IPO11: variants seen among roughly 807,000 people sequenced by gnomAD.
The protein encoded by IPO11 is importin 11.
IPO11 carries 66 observed loss-of-function variants against 143.2 expected under a neutral mutation model. That is an observed-to-expected ratio of 0.46 (90% CI 0.38 to 0.57). The LOEUF (loss-of-function observed/expected upper bound fraction) is 0.57, where lower values mean the gene tolerates loss of function less well. Ranked by LOEUF, IPO11 falls within the 20% of genes least tolerant of loss-of-function variation. IPO11 has a pLI of 0.00. For missense variants in IPO11, 1,026 were observed against 1,141.0 expected (o/e 0.90, Z 1.45); for synonymous variants, 385 against 377.8 (o/e 1.02, Z -0.22).
chr5:62,535,492 A>ATC (rs1307751962), intron 22 of IPO11, among the ~76,000 whole-genome samples: 1 of 152,170 alleles, frequency 6.6e-6, no homozygotes, highest in Admixed American at 6.5e-5. Flanking sequence ...GGCCCCCTTT[A>ATC]TCCTGAGATT....
intron 15 of IPO11, among the ~76,000 whole-genome samples, chr5:62,491,598 A>G (rs1746608872): frequency 6.6e-6 from 1 of 152,194 alleles, no homozygotes; most frequent in African/African-American, 2.4e-5. Flanking sequence ...AAAGCCATGT[A>G]AAATATTTAT....
At chr5:62,560,446 C>A (rs1245961802) in intron 26 of IPO11, among the ~76,000 whole-genome samples, 3 of 152,202 alleles carry the variant, frequency 2.0e-5, no homozygotes, top group South Asian at 4.1e-4. Flanking sequence ...GAAGCCCACT[C>A]ACATTATCTA....
chr5:62,561,083 CA>C, intron 26 of IPO11, 52 bp from the exon 27 acceptor site: 1 of 1,499,270 alleles, frequency 6.7e-7, no homozygotes. Context: ...AGTATTTACC[CA>C]CAAGTAAAAC....
At position 62,467,186 on chromosome 5, in the gene IPO11, C is replaced by T. The variant is rs760145602; in HGVS notation, c.572C>T (p.Thr191Ile). ...TCTCTGTGGAATCACCACACAGACA[C>T]ATTCCTGCAAGAAGTTTCTTCTGGC... Reference protein sequence around the residue: ...ACSLWNHHTDTFLQEVSSGNE... With the variant: ...ACSLWNHHTDIFLQEVSSGNE... The change falls in exon 6 of 30, where the codon ACA (threonine) becomes ATA (isoleucine). Residue 191 changes from threonine to isoleucine, a missense_variant. This residue lies in a region of IPO11 where 429 missense variants were observed against 456.3 expected (regional missense o/e 0.94). Coordinates refer to ENST00000325324, the MANE Select transcript of IPO11 (RefSeq NM_016338.5). 1.4e-5 allele frequency: 22 copies of T among 1,613,798 alleles called. No individual in the cohort carries two copies. Among genetic ancestry groups the T allele is most frequent in the Non-Finnish European group, 5.9e-6 (7 of 1,179,904 alleles).
chr5:62,580,609 A>G, intron 27 of IPO11: 2 of 1,551,454 alleles, frequency 1.3e-6, no homozygotes, highest in Non-Finnish European at 1.7e-6. Flanking sequence ...TCCCCCATCC[A>G]TGCGTGGCAG....
At chr5:62,527,577 A>G (rs962418645) in intron 21 of IPO11, among the ~76,000 whole-genome samples, 1 of 152,194 alleles carries the variant, frequency 6.6e-6, no homozygotes, top group African/African-American at 2.4e-5. Flanking sequence ...AAAAAATCCA[A>G]TATTAAAGAG....
rs1285515120 is a variant in IPO11, at chr5:62,459,945, T to C, written c.517-7186T>C. ...GTGTTTTTAAAATTGAAAATACATTTTAAAAACATGGAAAAGTAAAGAAAA... is the reference window on the plus strand; with the variant it reads ...GTGTTTTTAAAATTGAAAATACATTCTAAAAACATGGAAAAGTAAAGAAAA... On this transcript the variant is annotated intron_variant, in intron 5 of 29. Coordinates refer to ENST00000325324, the MANE Select transcript of IPO11 (RefSeq NM_016338.5). Among the ~76,000 whole-genome samples, 3 of 152,346 alleles carry C rather than the reference T, an allele frequency of 2.0e-5. No homozygotes were observed. The East Asian group carries it at 5.8e-4, about 29-fold the overall frequency.
At position 62,611,507 on chromosome 5, in the gene IPO11, G is replaced by C. The variant is rs114055693; in HGVS notation, c.2763+9659G>C. ...TTTGGAACTAAATAAAGTGATGATA[G>C]TGATGGTTATTTTTTAGTTGAGATT... On this transcript the variant is annotated intron_variant, in intron 29 of 29. Coordinates refer to ENST00000325324, the MANE Select transcript of IPO11 (RefSeq NM_016338.5). Among the ~76,000 whole-genome samples the C allele has an allele frequency of 4.4e-3, 667 of 152,302 alleles. 7 individuals carry two copies. The highest frequency in any genetic ancestry group is 0.015 in the African/African-American group (644 of 41,580).
intron 21 of IPO11, among the ~76,000 whole-genome samples, chr5:62,530,253 G>C (rs1359313847): frequency 6.6e-6 from 1 of 152,148 alleles, no homozygotes; most frequent in African/African-American, 2.4e-5. Context: ...TCTATCAACA[G>C]GGGATTGGTT....
At chr5:62,513,995 G>A (rs1741900741) in intron 19 of IPO11, among the ~76,000 whole-genome samples, 1 of 151,506 alleles carries the variant, frequency 6.6e-6, no homozygotes, top group South Asian at 2.1e-4. Flanking sequence ...CAGACGATGG[G>A]CTGCCGGGCA....
At chr5:62,572,752 T>C (rs1744180903) in intron 27 of IPO11, among the ~76,000 whole-genome samples, 1 of 151,474 alleles carries the variant, frequency 6.6e-6, no homozygotes, top group South Asian at 2.1e-4. Context: ...CGGCTAGTTT[T>C]TTGTGTTTTT....
chr5:62,528,630 A>G (rs866763619), intron 21 of IPO11, among the ~76,000 whole-genome samples: 2 of 152,178 alleles, frequency 1.3e-5, no homozygotes, highest in Non-Finnish European at 2.9e-5. Context: ...AACTGGAGGC[A>G]GAAGGTGGTT....
At chr5:62,513,246 G>T (rs1313001313) in intron 19 of IPO11, among the ~76,000 whole-genome samples, 2 of 151,944 alleles carry the variant, frequency 1.3e-5, no homozygotes, top group African/African-American at 4.8e-5. Flanking sequence ...AGACGGGGCG[G>T]GTGGCCGGGC....
chr5:62,573,316 C>G (rs1039815965), intron 27 of IPO11, among the ~76,000 whole-genome samples: 2 of 152,156 alleles, frequency 1.3e-5, no homozygotes, highest in Non-Finnish European at 2.9e-5. Flanking sequence ...TGAGAACACT[C>G]TCTGAGTCAT....
intron 16 of IPO11, among the ~76,000 whole-genome samples, chr5:62,500,561 G>C (rs1237095658): frequency 6.6e-6 from 1 of 152,140 alleles, no homozygotes; most frequent in Non-Finnish European, 1.5e-5. Context: ...ACAGTGGCGT[G>C]ATCATAGCTT....
chr5:62,572,826 G>T (rs1744184106), intron 27 of IPO11, among the ~76,000 whole-genome samples: 1 of 152,002 alleles, frequency 6.6e-6, no homozygotes, highest in African/African-American at 2.4e-5. Flanking sequence ...CAAGCAGTCC[G>T]CCTGCCTGGG....
chr5:62,553,961 C>T (rs1489993607), intron 26 of IPO11, among the ~76,000 whole-genome samples: 1 of 152,080 alleles, frequency 6.6e-6, no homozygotes, highest in Non-Finnish European at 1.5e-5. Flanking sequence ...GAACTCCTGA[C>T]CTCAGGTGAT....
At chr5:62,461,331 G>T (rs944686339) in intron 5 of IPO11, among the ~76,000 whole-genome samples, 2 of 152,154 alleles carry the variant, frequency 1.3e-5, no homozygotes, top group African/African-American at 4.8e-5. Flanking sequence ...GATTCTTGCC[G>T]AAAGCAACCT....
chr5:62,624,309 C>T (rs1308551681), intron 29 of IPO11, among the ~76,000 whole-genome samples: 3 of 152,196 alleles, frequency 2.0e-5, no homozygotes, highest in African/African-American at 4.8e-5. Context: ...GCTGGGATTA[C>T]AGGCATGAGC....
Sources: allele counts gnomAD v4.1 joint callset (sites outside exome capture counted in the v4.1 genomes callset), GRCh38; gene constraint gnomAD v4.1.1; regional missense constraint gnomAD v4.1.1; transcripts MANE v1.5; gene names NCBI Gene and HGNC (gene_info 2026-07-23, HGNC 2026-07-21).